Variants in EFCC1 observed in about 807,000 individuals in gnomAD.
The protein encoded by EFCC1 is EF-hand and coiled-coil domain containing 1.
Under a neutral mutation model 52.1 loss-of-function variants are expected in EFCC1, and 50 were observed. That is an observed-to-expected ratio of 0.96 (90% CI 0.76 to 1.21). The LOEUF (loss-of-function observed/expected upper bound fraction) is 1.21. Ranked by LOEUF, EFCC1 falls within the 50% of genes most tolerant of loss-of-function variation. The probability of loss-of-function intolerance (pLI) is 0.00; values close to 1 mark genes in which losing one functional copy is unlikely to be tolerated. For synonymous variants in EFCC1, 399 were observed against 396.5 expected, an observed-to-expected ratio of 1.01 and a Z score of -0.08; for missense variants, 837 against 867.3, an observed-to-expected ratio of 0.97 and a Z score of 0.44.
Position 129,003,975 on chromosome 3 carries a change from T to C in EFCC1, c.878T>C (p.Leu293Pro). 1 of 1,474,556 alleles carries C rather than the reference T, an allele frequency of 6.8e-7. No individual in the cohort carries two copies. The highest frequency in any genetic ancestry group is 8.9e-7 in the Non-Finnish European group (1 of 1,120,246). The allele number at this position is 1,474,556 out of a possible 1,614,324, so 91.3% of individuals were successfully genotyped here. ...RRAEEARQVV[L>P]RSLHRVRELE... ...GCGGAGGAGGCCCGGCAGGTGGTGC[T>C]GCGCAGCCTGCACCGCGTGCGAGAG... Residue 293 changes from leucine to proline, a missense_variant, in exon 2 of 8, where the codon CTG becomes CCG. Physicochemically the swap from Leu to Pro is moderately conservative, Grantham distance 98. Transcript: ENST00000683648.
intron 2 of EFCC1, among the ~76,000 whole-genome samples, chr3:129,022,037 C>G (rs1009667375): frequency 6.6e-6 from 1 of 152,208 alleles, no homozygotes; most frequent in Non-Finnish European, 1.5e-5. Flanking sequence ...GCGCAGAGCT[C>G]TGCTCTCACA....
At chr3:129,028,360 A>G (rs1015588460) in intron 2 of EFCC1, among the ~76,000 whole-genome samples, 7 of 152,082 alleles carry the variant, frequency 4.6e-5, no homozygotes, top group African/African-American at 1.7e-4. Context: ...CTGGGATTAC[A>G]GGTGTGAACC....
intron 2 of EFCC1, among the ~76,000 whole-genome samples, chr3:129,019,103 T>C (rs1272459253): frequency 6.6e-6 from 1 of 152,226 alleles, no homozygotes; most frequent in Non-Finnish European, 1.5e-5. Context: ...ATAAATGATT[T>C]GACCAAGTGA....
intron 4 of EFCC1, among the ~76,000 whole-genome samples, 167 bp downstream of exon 4, chr3:129,033,133 G>A (rs549056426): frequency 3.3e-5 from 5 of 152,340 alleles, no homozygotes; most frequent in African/African-American, 1.2e-4. Context: ...CCACCAGCAT[G>A]TAGAGGATGA....
chr3:129,012,384 G>GA (rs1261332402), intron 2 of EFCC1, among the ~76,000 whole-genome samples: 1 of 152,026 alleles, frequency 6.6e-6, no homozygotes, highest in Non-Finnish European at 1.5e-5. Context: ...ATGAGCTTTC[G>GA]ACCCCTGTGC....
chr3:129,032,500 G>A (rs1576781927), intron 3 of EFCC1, among the ~76,000 whole-genome samples: 1 of 151,694 alleles, frequency 6.6e-6, no homozygotes, highest in East Asian at 1.9e-4. Context: ...GTGACAGAGC[G>A]AGACCCTGTC....
intron 7 of EFCC1, 134 bp from the exon 8 acceptor site, chr3:129,039,578 G>T (rs2107944036): frequency 7.3e-7 from 1 of 1,377,280 alleles, no homozygotes; most frequent in Non-Finnish European, 9.8e-7. Context: ...GGTCCACAGA[G>T]CGAGGAAGCT....
At chr3:129,012,158 T>G (rs946295136) in intron 2 of EFCC1, among the ~76,000 whole-genome samples, 19 of 152,248 alleles carry the variant, frequency 1.2e-4, no homozygotes, top group Admixed American at 6.5e-4. Context: ...TTTTCTTTGG[T>G]GTCTTGATGC....
rs1001021142 is a variant in EFCC1, at chr3:129,004,094, G to C, written c.980+17G>C. The C allele has an allele frequency of 6.8e-7, 1 of 1,475,678 alleles. No individual in the cohort carries two copies. The highest frequency in any genetic ancestry group is 1.5e-5 in the African/African-American group (1 of 68,612). 91.4% of individuals were successfully genotyped at this position (1,475,678 alleles called of 1,614,324 possible). A position where few individuals can be genotyped will look rare whatever the true frequency, so the allele number is the denominator to read the frequency against. ...ACGCTACAGGTGAGCGGGGGCGCGT[G>C]CCCTGGGCCCAAGTTCCCCAATTCG... On this transcript the variant is annotated intron_variant, in intron 2 of 7. Coordinates refer to ENST00000683648, the MANE Select transcript of EFCC1 (RefSeq NM_001377500.1).
At chr3:129,032,637 A>T (rs1258320718) in intron 3 of EFCC1, among the ~76,000 whole-genome samples, 182 bp from the exon 4 acceptor site, 1 of 152,170 alleles carries the variant, frequency 6.6e-6, no homozygotes, top group Non-Finnish European at 1.5e-5. Context: ...TCACATTACA[A>T]GGAGACAGAA....
At chr3:129,004,828 C>T (rs1944997206) in intron 2 of EFCC1, among the ~76,000 whole-genome samples, 1 of 152,084 alleles carries the variant, frequency 6.6e-6, no homozygotes, top group Non-Finnish European at 1.5e-5. Flanking sequence ...GCTAGCTCCA[C>T]CAGGGCAGGA....
At chr3:129,029,571 T>G (rs1318328724) in intron 2 of EFCC1, among the ~76,000 whole-genome samples, 2 of 120,450 alleles carry the variant, frequency 1.7e-5, no homozygotes, top group Admixed American at 7.7e-5. Context: ...GATTCTGTTG[T>G]TTTTTGTTTT....
chr3:129,015,711 G>C (rs1179293507), intron 2 of EFCC1, among the ~76,000 whole-genome samples: 1 of 152,176 alleles, frequency 6.6e-6, no homozygotes, highest in Non-Finnish European at 1.5e-5. Context: ...AGGAGTCACA[G>C]AGGACCCCTG....
rs181189405 is a variant in EFCC1 at position 129,020,636 on chromosome 3, C to G, written c.981-10067C>G. Among the ~76,000 whole-genome samples the G allele has an allele frequency of 1.0e-3, 158 of 152,146 alleles. 5 individuals are homozygous for G. Among genetic ancestry groups the G allele is most frequent in the Non-Finnish European group, 1.6e-4 (11 of 68,020 alleles). On this transcript the variant is annotated intron_variant, in intron 2 of 7. Coordinates refer to ENST00000683648, the MANE Select transcript of EFCC1 (RefSeq NM_001377500.1). ...TGGGCAACAGAGTAACACCCTGTCT[C>G]AATAAATAAATAATAAAATGATGGG... is the stretch of plus-strand genomic sequence containing the variant.
At chr3:129,027,026 T>C (rs1340769854) in intron 2 of EFCC1, among the ~76,000 whole-genome samples, 7 of 152,210 alleles carry the variant, frequency 4.6e-5, no homozygotes, top group Admixed American at 1.3e-4. Context: ...GCCGTCATCT[T>C]TGGGCTCTAT....
intron 2 of EFCC1, among the ~76,000 whole-genome samples, chr3:129,009,927 G>T (rs1374506520): frequency 2.0e-5 from 3 of 152,200 alleles, no homozygotes; most frequent in African/African-American, 7.2e-5. Flanking sequence ...TGGGGAGGGT[G>T]GACAGAAAAA....
chr3:129,039,355 G>A (rs1047741887), intron 7 of EFCC1, among the ~76,000 whole-genome samples: 2 of 152,202 alleles, frequency 1.3e-5, no homozygotes, highest in Non-Finnish European at 2.9e-5. Context: ...CAGCAGGAAT[G>A]CCAGCTTATG....
intron 2 of EFCC1, among the ~76,000 whole-genome samples, chr3:129,007,132 C>G (rs762363796): frequency 6.6e-6 from 1 of 152,210 alleles, no homozygotes; most frequent in Non-Finnish European, 1.5e-5. Flanking sequence ...ACCACAAGCT[C>G]AAGTTGGGTT....
Position 129,003,861 on chromosome 3 carries a change from G to C in EFCC1, c.764G>C (p.Arg255Pro), listed in dbSNP as rs1248795951. ...MGHGGPEAAV[R>P]ELRQAQGALA... ...CACGGCGGGCCGGAGGCTGCGGTGC[G>C]GGAGCTGCGTCAGGCGCAGGGCGCC... The change falls in exon 2 of 8, where the codon CGG becomes CCG. Residue 255 changes from arginine (R) to proline (P), a missense_variant. Arg to Pro is a moderately radical substitution (Grantham distance 103). Coordinates refer to ENST00000683648, the MANE Select transcript of EFCC1 (RefSeq NM_001377500.1). 1.4e-6 allele frequency: 2 copies of C among 1,442,360 alleles called. No individual in the cohort carries two copies. The highest frequency in any genetic ancestry group is 1.8e-6 in the Non-Finnish European group (2 of 1,100,422). 89.3% of individuals were successfully genotyped at this position (1,442,360 alleles called of 1,614,324 possible). A position where few individuals can be genotyped will look rare whatever the true frequency, so the allele number is the denominator to read the frequency against.
Sources: gnomAD v4.1 joint callset for allele counts (sites outside exome capture counted in the v4.1 genomes callset) on GRCh38, gnomAD v4.1.1 for gene constraint, MANE v1.5 for transcripts, NCBI Gene and HGNC (gene_info 2026-07-23, HGNC 2026-07-21) for gene names.